Variants in TIAM2 observed in about 807,000 individuals in gnomAD.
TIAM2 encodes the protein rho guanine nucleotide exchange factor TIAM2.
A neutral mutation model predicts 152.9 loss-of-function variants in TIAM2; 80 were observed. That is an observed-to-expected ratio of 0.52 (90% CI 0.44 to 0.63). TIAM2 has a LOEUF of 0.63. Ranked by LOEUF, TIAM2 falls within the 30% of genes least tolerant of loss-of-function variation. The pLI is 0.00. For synonymous variants in TIAM2, 804 were observed against 838.0 expected (o/e 0.96, Z 0.70); for missense variants, 1,965 against 2,120.1 (o/e 0.93, Z 1.44).
In TIAM2 at chr6:155,160,554, C is replaced by T. The variant is rs972950412; in HGVS notation, c.2029-3861C>T. On this transcript the variant is annotated intron_variant, in intron 7 of 26. Transcript: ENST00000682666. Reference sequence around the variant, plus strand: ...CATTACGCGGGTGGATCGCTTTGAACTCAGGAGTTTGAGACCAGCCTGGGC... The same window carrying T: ...CATTACGCGGGTGGATCGCTTTGAATTCAGGAGTTTGAGACCAGCCTGGGC... 4.6e-5 allele frequency among the ~76,000 whole-genome samples: 7 copies of T among 152,196 alleles called. No individual in the cohort carries two copies. In the South Asian group the frequency reaches 1.5e-3, roughly 32 times the overall value.
intron 9 of TIAM2, among the ~76,000 whole-genome samples, chr6:155,168,453 G>A (rs1483511187): frequency 1.3e-5 from 2 of 152,098 alleles, no homozygotes; most frequent in Non-Finnish European, 2.9e-5. Context: ...CGCCTCCCGG[G>A]TTCAAGTGAT....
At chr6:155,194,810 TCTCCATGTGTCATG>T (rs1306090767) in intron 14 of TIAM2, among the ~76,000 whole-genome samples, 2 of 152,192 alleles carry the variant, frequency 1.3e-5, no homozygotes, top group East Asian at 3.8e-4. Flanking sequence ...GTTCCCTTAA[TCTCCATGTGTCATG>T]GGAGGGACCA....
Position 155,129,281 on chromosome 6 carries a change from A to G in TIAM2, c.58A>G (p.Ile20Val), listed in dbSNP as rs377296752. 4.3e-6 allele frequency: 7 copies of G among 1,614,114 alleles called. No homozygotes were observed. Among genetic ancestry groups the G allele is most frequent in the Admixed American group, 1.7e-5 (1 of 59,996 alleles). Reference protein sequence around the residue: ...LQGSKNHSNTITGAKQIPCSL... With the variant: ...LQGSKNHSNTVTGAKQIPCSL... The stretch of plus-strand genomic sequence containing the variant: ...AGGATCTAAAAATCATAGCAATACT[A>G]TTACTGGTGCTAAGCAAATTCCTTG... The change falls in exon 4 of 27, where the codon ATT becomes GTT. Residue 20 changes from isoleucine (I) to valine (V), a missense_variant. Physicochemically the swap from Ile to Val is conservative, Grantham distance 29 (BLOSUM62 3). This residue lies in a region of TIAM2 where 1,025 missense variants were observed against 1,119.4 expected (regional missense o/e 0.92). Transcript: ENST00000682666. This position sits in a 1 kb window ranked among gnomAD's most constrained non-coding sequence, Gnocchi z 4.8.
intron 1 of TIAM2, among the ~76,000 whole-genome samples, chr6:155,045,840 C>CTTTTTTTTTTTTTTT (rs11354850): frequency 7.4e-4 from 45 of 60,486 alleles, no homozygotes; most frequent in Admixed American, 1.1e-3. Context: ...ATAGTGCCCT[C>CTTTTTTTTTTTTTTT]TTTTTTTTTT....
At chr6:155,195,359 C>T (rs1320584957) in intron 14 of TIAM2, among the ~76,000 whole-genome samples, 2 of 152,182 alleles carry the variant, frequency 1.3e-5, no homozygotes, top group Non-Finnish European at 2.9e-5. Flanking sequence ...ATGGTAGGTA[C>T]CCATCGCCTG....
chr6:155,026,892 G>T (rs1303899537), intron 1 of TIAM2, among the ~76,000 whole-genome samples: 1 of 152,148 alleles, frequency 6.6e-6, no homozygotes, highest in Non-Finnish European at 1.5e-5. Flanking sequence ...GGAGCAACTG[G>T]TTGGGAAGAG....
In TIAM2 at chr6:155,029,330, ATGTG is replaced by A. The variant is rs1256266391; in HGVS notation, c.-209+33840_-209+33843del. Among the ~76,000 whole-genome samples the A allele has an allele frequency of 5.2e-4, 55 of 106,368 alleles. 2 individuals are homozygous for A. The highest frequency in any genetic ancestry group is 1.8e-3 in the African/African-American group (53 of 28,860). The allele number at this position is 106,368 out of a possible 152,430, so 69.8% of individuals were successfully genotyped here. A position where few individuals can be genotyped will look rare whatever the true frequency, so the allele number is the denominator to read the frequency against. ...ATGTGTTATATATACTATATGTACT[ATGTG>A]TTATATATAATATATATACGTTATA... On this transcript the variant is annotated intron_variant, in intron 1 of 26. Coordinates refer to ENST00000682666, the MANE Select transcript of TIAM2 (RefSeq NM_012454.4).
At chr6:155,143,812 G>A (rs920481878) in intron 5 of TIAM2, among the ~76,000 whole-genome samples, 9 of 151,848 alleles carry the variant, frequency 5.9e-5, no homozygotes, top group African/African-American at 1.9e-4. Flanking sequence ...CGATCTCTCA[G>A]TTTTCTCATT....
chr6:155,209,257 G>C (rs1389507436), intron 14 of TIAM2, among the ~76,000 whole-genome samples: 1 of 151,984 alleles, frequency 6.6e-6, no homozygotes, highest in Non-Finnish European at 1.5e-5. Context: ...TGCATCCCCA[G>C]CTCCTAGCAC....
At chr6:155,016,723 A>C (rs1049602496) in intron 1 of TIAM2, among the ~76,000 whole-genome samples, 1 of 151,970 alleles carries the variant, frequency 6.6e-6, no homozygotes, top group Non-Finnish European at 1.5e-5. Context: ...ACATGGTGAA[A>C]CCTGTCTCTA....
chr6:155,034,662 ATC>A (rs1442524258), intron 1 of TIAM2, among the ~76,000 whole-genome samples: 1 of 152,094 alleles, frequency 6.6e-6, no homozygotes, highest in Non-Finnish European at 1.5e-5. Flanking sequence ...TCAGAGTTGC[ATC>A]TCTCTGTGGA....
At chr6:155,197,814 G>T (rs1361716393) in intron 14 of TIAM2, among the ~76,000 whole-genome samples, 1 of 152,054 alleles carries the variant, frequency 6.6e-6, no homozygotes, top group Non-Finnish European at 1.5e-5. Flanking sequence ...CATGCCCAAG[G>T]TTAAATTACC....
chr6:155,203,529 C>T (rs962536540), intron 14 of TIAM2, among the ~76,000 whole-genome samples: 3 of 152,144 alleles, frequency 2.0e-5, no homozygotes, highest in Admixed American at 6.5e-5. Context: ...TATTAAATGT[C>T]AGAGACGTGT....
rs1562325776 is a variant in TIAM2, at chr6:155,129,608, A to G, written c.385A>G (p.Thr129Ala). The G allele has an allele frequency of 6.2e-7, 1 of 1,613,974 alleles. No individual in the cohort carries two copies. The highest frequency in any genetic ancestry group is 2.2e-5 in the East Asian group (1 of 44,870). ...VGHELADNHI[T>A]SRDCNGHLLN... is the part of the protein sequence containing the mutation. ...CCACGAGCTGGCAGATAACCACATC[A>G]CCTCCAGAGACTGCAACGGACACCT... The change falls in exon 4 of 27, where the codon ACC (threonine) becomes GCC (alanine). Residue 129 changes from threonine (T) to alanine (A), a missense_variant. Thr to Ala is a moderately conservative substitution (Grantham distance 58). Transcript: ENST00000682666. The surrounding 1 kb of genome is among the most constrained non-coding windows in gnomAD (Gnocchi z 4.8).
chr6:155,204,952 G>A (rs1247064860), intron 14 of TIAM2, among the ~76,000 whole-genome samples: 4 of 151,958 alleles, frequency 2.6e-5, no homozygotes, highest in South Asian at 2.1e-4. Flanking sequence ...TGAACGCTGC[G>A]TCCTCATTGT....
At chr6:155,053,360 G>A (rs1464352322) in intron 1 of TIAM2, among the ~76,000 whole-genome samples, 2 of 151,862 alleles carry the variant, frequency 1.3e-5, no homozygotes, top group Admixed American at 1.3e-4. Context: ...TCGTCACGTT[G>A]CCTAGGCTGC....
intron 15 of TIAM2, 75 bp downstream of exon 15, chr6:155,211,382 G>A (rs911724971): frequency 8.3e-7 from 1 of 1,206,274 alleles, no homozygotes; most frequent in Admixed American, 1.9e-5. Context: ...CTAAGGTGGG[G>A]AAAGGAGATG....
chr6:155,210,278 A>G (rs898231117), intron 14 of TIAM2, among the ~76,000 whole-genome samples: 1 of 151,784 alleles, frequency 6.6e-6, no homozygotes, highest in African/African-American at 2.4e-5. Flanking sequence ...TATTATTTTT[A>G]TATTTTAATT....
At chr6:155,250,844 ACTAT>A in intron 21 of TIAM2, 65 bp from the exon 22 acceptor site, 1 of 1,460,812 alleles carries the variant, frequency 6.8e-7, no homozygotes, top group South Asian at 1.1e-5. Context: ...TGTGTACATC[ACTAT>A]CTAACAAGAG....
Sources: gnomAD v4.1 joint callset for allele counts (sites outside exome capture counted in the v4.1 genomes callset) on GRCh38, gnomAD v4.1.1 for gene constraint, gnomAD v4.1.1 regional missense constraint, Gnocchi (gnomAD v3.1) non-coding constraint, MANE v1.5 for transcripts, NCBI Gene and HGNC (gene_info 2026-07-23, HGNC 2026-07-21) for gene names.